PIGL: variants seen among roughly 807,000 people sequenced by gnomAD.
PIGL encodes the protein phosphatidylinositol glycan anchor biosynthesis class L.
PIGL carries 22 observed loss-of-function variants against 31.1 expected under a neutral mutation model. That is an observed-to-expected ratio of 0.71 (90% confidence interval 0.51 to 1.01). The LOEUF is 1.01. Among genes scored for constraint, PIGL ranks in the 50% least tolerant of loss-of-function variants. PIGL has a pLI of 0.00. For synonymous variants in PIGL, 131 were observed against 117.4 expected (o/e 1.12, Z -0.75); for missense variants, 302 against 315.9 (o/e 0.96, Z 0.33).
chr17:16,306,527 T>TC (rs1360871510), intron 3 of PIGL, among the ~76,000 whole-genome samples: 1 of 149,542 alleles, frequency 6.7e-6, no homozygotes, highest in Non-Finnish European at 1.5e-5. Context: ...ACGATCTTTT[T>TC]TTTTTTTTTT....
chr17:16,241,579 A>AG (rs1303866950), intron 2 of PIGL, among the ~76,000 whole-genome samples: 1 of 152,082 alleles, frequency 6.6e-6, no homozygotes, highest in East Asian at 1.9e-4. Flanking sequence ...AAAAAAAAAA[A>AG]GAAAATCTTT....
chr17:16,257,992 G>A (rs1289138392), intron 2 of PIGL, among the ~76,000 whole-genome samples: 1 of 150,172 alleles, frequency 6.7e-6, no homozygotes, highest in African/African-American at 2.5e-5. Flanking sequence ...GAACCTGGGA[G>A]GCTGAGGTTG....
intron 2 of PIGL, among the ~76,000 whole-genome samples, chr17:16,238,102 A>G (rs1430206100): frequency 6.6e-6 from 1 of 150,530 alleles, no homozygotes; most frequent in Non-Finnish European, 1.5e-5. Context: ...AGGCTGAGGC[A>G]GGAGAATTGC....
chr17:16,258,971 C>T (rs2092808680), intron 2 of PIGL, among the ~76,000 whole-genome samples: 1 of 152,190 alleles, frequency 6.6e-6, no homozygotes, highest in Non-Finnish European at 1.5e-5. Flanking sequence ...TTGGGTCAGT[C>T]TTTCAGATTA....
chr17:16,280,559 C>T (rs1274632554), intron 2 of PIGL, among the ~76,000 whole-genome samples: 3 of 152,154 alleles, frequency 2.0e-5, no homozygotes, highest in South Asian at 2.1e-4. Flanking sequence ...CCTTGCCCCA[C>T]GCATGCACAG....
At chr17:16,231,788 A>G (rs905351362) in intron 1 of PIGL, among the ~76,000 whole-genome samples, 1 of 152,188 alleles carries the variant, frequency 6.6e-6, no homozygotes, top group Admixed American at 6.6e-5. Context: ...ATGTAGTTCT[A>G]CATCTAGAAA....
chr17:16,271,156 T>A (rs1170565793), intron 2 of PIGL, among the ~76,000 whole-genome samples: 3 of 152,160 alleles, frequency 2.0e-5, no homozygotes, highest in Non-Finnish European at 4.4e-5. Flanking sequence ...AAAAATAGAA[T>A]TAGGAATTAT....
rs544337163 is a variant in PIGL, at chr17:16,321,933, C to T, written c.661-3867C>T. ...CCAAGTAGCTGGGATCACAGGCACA[C>T]GCCACCACGCCTGGCTAATTTTGTA... On this transcript the variant is annotated intron_variant, in intron 6 of 6. Coordinates refer to ENST00000225609, the MANE Select transcript of PIGL (RefSeq NM_004278.4). Among the ~76,000 whole-genome samples, 18 of 151,814 alleles carry T rather than the reference C, an allele frequency of 1.2e-4. No individual in the cohort carries two copies. The South Asian group carries it at 3.5e-3, about 30-fold the overall frequency.
intron 2 of PIGL, among the ~76,000 whole-genome samples, chr17:16,272,702 T>C (rs777375576): frequency 4.7e-5 from 7 of 150,230 alleles, no homozygotes; most frequent in Admixed American, 6.7e-5. Context: ...GTCCCAGTCC[T>C]ACTGGACCTC....
intron 2 of PIGL, among the ~76,000 whole-genome samples, chr17:16,267,987 T>A (rs1235730147): frequency 9.9e-5 from 15 of 152,122 alleles, no homozygotes; most frequent in Admixed American, 9.8e-4. Context: ...AACAGACTCG[T>A]CCCTCAAGGA....
At chr17:16,234,627 T>C (rs1050810227) in intron 2 of PIGL, among the ~76,000 whole-genome samples, 6 of 151,806 alleles carry the variant, frequency 4.0e-5, no homozygotes, top group African/African-American at 1.5e-4. Context: ...TAGCCGGGCG[T>C]ATTGGCCTAC....
chr17:16,263,038 G>A (rs1044236035), intron 2 of PIGL, among the ~76,000 whole-genome samples: 1 of 148,602 alleles, frequency 6.7e-6, no homozygotes, highest in African/African-American at 2.5e-5. Flanking sequence ...GTATATAAGT[G>A]TTTGCCAGGG....
intron 6 of PIGL, among the ~76,000 whole-genome samples, chr17:16,322,932 A>G (rs570479646): frequency 1.3e-5 from 2 of 152,350 alleles, no homozygotes; most frequent in African/African-American, 4.8e-5. Context: ...TCCTAAGCAC[A>G]AGAGGCTGTA....
chr17:16,302,168 A>G lies in PIGL; in HGVS notation c.426+2190A>G, dbSNP rs139781628. Reference sequence around the variant, plus strand: ...GGGCCTCAGGTACCCTGACCCTACCACGACTCATCTCCATCTTTCTCTGCA... The same window carrying G: ...GGGCCTCAGGTACCCTGACCCTACCGCGACTCATCTCCATCTTTCTCTGCA... On this transcript the variant is annotated intron_variant, in intron 3 of 6. Transcript: ENST00000225609. 6.4e-3 allele frequency among the ~76,000 whole-genome samples: 979 copies of G among 152,112 alleles called. 5 individuals carry two copies. Among genetic ancestry groups the G allele is most frequent in the African/African-American group, 0.022 (915 of 41,488 alleles).
chr17:16,318,339 C>T (rs935413014), intron 6 of PIGL, among the ~76,000 whole-genome samples: 5 of 151,180 alleles, frequency 3.3e-5, no homozygotes, highest in African/African-American at 1.2e-4. Flanking sequence ...GGTGCAATCT[C>T]GGCTCACTGC....
chr17:16,230,958 T>C (rs1224844962), intron 1 of PIGL, among the ~76,000 whole-genome samples: 7 of 151,820 alleles, frequency 4.6e-5, no homozygotes, highest in Non-Finnish European at 8.8e-5. Context: ...GGGACCATGA[T>C]GCCTTCATGC....
intron 2 of PIGL, among the ~76,000 whole-genome samples, chr17:16,299,258 C>T (rs2092994707): frequency 6.6e-6 from 1 of 151,512 alleles, no homozygotes; most frequent in African/African-American, 2.4e-5. Flanking sequence ...AGTTCAAGAC[C>T]AGGCTGGCCA....
At chr17:16,285,402 T>C (rs184912889) in intron 2 of PIGL, among the ~76,000 whole-genome samples, 4 of 151,628 alleles carry the variant, frequency 2.6e-5, no homozygotes, top group African/African-American at 9.7e-5. Flanking sequence ...CTGGCCAAGA[T>C]GGTGAAACCC....
At chr17:16,256,838 C>G (rs376694631) in intron 2 of PIGL, among the ~76,000 whole-genome samples, 1 of 152,168 alleles carries the variant, frequency 6.6e-6, no homozygotes, top group East Asian at 1.9e-4. Flanking sequence ...TAGGCATGCT[C>G]TACCACACTA....
Sources: allele counts gnomAD v4.1 joint callset (sites outside exome capture counted in the v4.1 genomes callset), GRCh38; gene constraint gnomAD v4.1.1; transcripts MANE v1.5; gene names NCBI Gene and HGNC (gene_info 2026-07-23, HGNC 2026-07-21).